Variants in CDH13 observed in about 807,000 individuals in gnomAD.
CDH13 encodes the protein cadherin-13.
A neutral mutation model predicts 63.8 loss-of-function variants in CDH13; 24 were observed. That is an observed-to-expected ratio of 0.38 (90% CI 0.27 to 0.53). The LOEUF (loss-of-function observed/expected upper bound fraction) is 0.53. CDH13 is among the 20% of genes least tolerant of loss of function. CDH13 has a pLI of 0.85. For missense variants in CDH13, 1,049 were observed against 903.1 expected, an observed-to-expected ratio of 1.16 and a Z score of -2.07; for synonymous variants, 503 against 355.3, an observed-to-expected ratio of 1.42 and a Z score of -4.67.
chr16:82,920,736 C>T (rs1437930959), intron 2 of CDH13, among the ~76,000 whole-genome samples: 1 of 152,138 alleles, frequency 6.6e-6, no homozygotes, highest in Non-Finnish European at 1.5e-5. Flanking sequence ...CTTGATTTCA[C>T]TAGTTAGAGC....
chr16:83,246,174 C>T (rs1029571832), intron 5 of CDH13, among the ~76,000 whole-genome samples: 1 of 152,194 alleles, frequency 6.6e-6, no homozygotes, highest in African/African-American at 2.4e-5. Flanking sequence ...TCTGCAAGTG[C>T]ATTAGTTTTG....
At chr16:82,780,425 T>C (rs1203329062) in intron 1 of CDH13, among the ~76,000 whole-genome samples, 1 of 152,206 alleles carries the variant, frequency 6.6e-6, no homozygotes, top group Non-Finnish European at 1.5e-5. Context: ...ACAGTCCCCA[T>C]AGGATAAATG....
At chr16:83,178,139 G>C (rs1376539177) in intron 4 of CDH13, among the ~76,000 whole-genome samples, 1 of 152,078 alleles carries the variant, frequency 6.6e-6, no homozygotes, top group African/African-American at 2.4e-5. Flanking sequence ...GTTTTATAAA[G>C]TGAAAAAGGT....
chr16:83,339,780 C>G (rs780362426), intron 5 of CDH13, among the ~76,000 whole-genome samples: 7 of 152,200 alleles, frequency 4.6e-5, no homozygotes, highest in Non-Finnish European at 8.8e-5. Flanking sequence ...CTCCCATGAT[C>G]AGCCAAGCTT....
At chr16:82,691,394 A>G (rs571485526) in intron 1 of CDH13, among the ~76,000 whole-genome samples, 1 of 152,312 alleles carries the variant, frequency 6.6e-6, no homozygotes. Context: ...CATACCCAGG[A>G]AAAATCTTCA....
intron 10 of CDH13, among the ~76,000 whole-genome samples, chr16:83,707,086 TAAG>T (rs1907192254): frequency 2.0e-5 from 3 of 152,306 alleles, no homozygotes; most frequent in Middle Eastern, 3.4e-3. Flanking sequence ...TTTGCAGGAC[TAAG>T]AAGGATACAA....
At chr16:83,784,857 C>T (rs1033911208) in intron 13 of CDH13, among the ~76,000 whole-genome samples, 1 of 152,154 alleles carries the variant, frequency 6.6e-6, no homozygotes, top group African/African-American at 2.4e-5. Flanking sequence ...CCAACACTTT[C>T]CATCCATCCC....
chr16:82,983,680 G>GA lies in CDH13; in HGVS notation c.158-48328dup, dbSNP rs148115174. Among the ~76,000 whole-genome samples the GA allele has an allele frequency of 1.8e-3, 273 of 152,310 alleles. 1 individual carries two copies. Among genetic ancestry groups the GA allele is most frequent in the East Asian group, 2.1e-3 (11 of 5,178 alleles). On this transcript the variant is annotated intron_variant, in intron 2 of 13. Transcript: ENST00000567109. Reference sequence around the variant, plus strand: ...GACAGTTAATTGCCTGGAGATTTGGGAACAGTTCAGGGGTGTGTGTATGAG... The same window carrying GA: ...GACAGTTAATTGCCTGGAGATTTGGGAAACAGTTCAGGGGTGTGTGTATGAG...
chr16:83,028,927 G>T (rs915128360), intron 2 of CDH13, among the ~76,000 whole-genome samples: 1 of 152,118 alleles, frequency 6.6e-6, no homozygotes, highest in Admixed American at 6.5e-5. Context: ...GTGCAGTGGT[G>T]ACAGGCAAAT....
chr16:83,385,212 A>T (rs190707686), intron 6 of CDH13, among the ~76,000 whole-genome samples: 1 of 152,258 alleles, frequency 6.6e-6, no homozygotes, highest in Non-Finnish European at 1.5e-5. Context: ...GTAGTCAATG[A>T]GAGAGAATCA....
chr16:82,630,335 T>A (rs1226103350), intron 1 of CDH13, among the ~76,000 whole-genome samples: 1 of 152,200 alleles, frequency 6.6e-6, no homozygotes, highest in Non-Finnish European at 1.5e-5. Flanking sequence ...TCTGAATATT[T>A]TTTTTTAGCA....
At chr16:83,588,658 T>A (rs1013953266) in intron 7 of CDH13, among the ~76,000 whole-genome samples, 10 of 152,212 alleles carry the variant, frequency 6.6e-5, no homozygotes, top group African/African-American at 2.4e-4. Context: ...AAAGGGAAGC[T>A]TCTCCGGTAC....
intron 11 of CDH13, among the ~76,000 whole-genome samples, chr16:83,750,142 A>G (rs1296339850): frequency 6.6e-6 from 1 of 152,126 alleles, no homozygotes; most frequent in African/African-American, 2.4e-5. Flanking sequence ...CTAAAGATAC[A>G]AAAATGAGCT....
chr16:82,828,243 A>T (rs1230244185), intron 1 of CDH13, among the ~76,000 whole-genome samples: 1 of 151,856 alleles, frequency 6.6e-6, no homozygotes, highest in Admixed American at 6.6e-5. Context: ...TGCCATGAAG[A>T]CTCTTTACGT....
intron 4 of CDH13, among the ~76,000 whole-genome samples, chr16:83,207,600 G>C (rs983153808): frequency 6.6e-6 from 1 of 151,898 alleles, no homozygotes; most frequent in East Asian, 1.9e-4. Flanking sequence ...TATTCTTTCC[G>C]TGTGTCTATG....
intron 2 of CDH13, among the ~76,000 whole-genome samples, chr16:82,975,718 C>T (rs944216269): frequency 2.6e-5 from 4 of 152,190 alleles, no homozygotes; most frequent in Admixed American, 2.0e-4. Context: ...TGACCTTGCT[C>T]TTCTATCTGG....
chr16:82,640,486 C>A (rs1909263184), intron 1 of CDH13, among the ~76,000 whole-genome samples: 1 of 152,050 alleles, frequency 6.6e-6, no homozygotes, highest in Non-Finnish European at 1.5e-5. Flanking sequence ...TGAAACTGTT[C>A]AATTCTATCC....
chr16:83,790,225 C>G (rs772560604), intron 13 of CDH13: 3 of 152,204 alleles, frequency 2.0e-5, no homozygotes, highest in Non-Finnish European at 2.9e-5. Context: ...AGGATAATAA[C>G]AACATTTCAG....
At position 83,044,487 on chromosome 16, in the gene CDH13, C is replaced by A. The variant is rs190741839; in HGVS notation, c.366+12269C>A. Reference sequence around the variant, plus strand: ...TTAAAAACTTTTCCTGTGAATAGAACCTTTACAAAAAGAACCTTGTGGAAA... The same window carrying A: ...TTAAAAACTTTTCCTGTGAATAGAAACTTTACAAAAAGAACCTTGTGGAAA... On this transcript the variant is annotated intron_variant, in intron 3 of 13. Transcript: ENST00000567109. Among the ~76,000 whole-genome samples the A allele has an allele frequency of 8.5e-5, 13 of 152,076 alleles. No individual in the cohort carries two copies. In the East Asian group the frequency reaches 1.7e-3, roughly 20 times the overall value.
Sources: allele counts gnomAD v4.1 joint callset (sites outside exome capture counted in the v4.1 genomes callset), GRCh38; gene constraint gnomAD v4.1.1; transcripts MANE v1.5; gene names NCBI Gene and HGNC (gene_info 2026-07-23, HGNC 2026-07-21).